CDH12: variants seen among roughly 807,000 people sequenced by gnomAD.
CDH12 encodes cadherin 12.
CDH12 carries 41 observed loss-of-function variants against 74.1 expected under a neutral mutation model. That is an observed-to-expected ratio of 0.55 (90% confidence interval 0.43 to 0.72). The LOEUF (loss-of-function observed/expected upper bound fraction) is 0.72. CDH12 is among the 30% of genes least tolerant of loss of function. The pLI, the probability that CDH12 is intolerant of heterozygous loss-of-function variation, is 0.00. For synonymous variants in CDH12, 399 were observed against 355.0 expected (o/e 1.12, Z -1.39); for missense variants, 945 against 977.2 (o/e 0.97, Z 0.44).
chr5:22,718,725 G>A (rs999004828), intron 1 of CDH12, among the ~76,000 whole-genome samples: 1 of 152,048 alleles, frequency 6.6e-6, no homozygotes, highest in Admixed American at 6.6e-5. Flanking sequence ...CAAACTAAAG[G>A]CCAGCGAGGC....
chr5:22,129,554 AG>A lies in CDH12; in HGVS notation c.-186-50693del, dbSNP rs548661353. Among the ~76,000 whole-genome samples the A allele has an allele frequency of 5.0e-3, 758 of 152,276 alleles. 5 individuals carry two copies. The highest frequency in any genetic ancestry group is 0.017 in the African/African-American group (698 of 41,554). ...TCTGTGGAAAACAAAATTGACAAAAAGTGCATGTTGAAATGGAAATTAACAG... is the reference window on the plus strand; with the variant it reads ...TCTGTGGAAAACAAAATTGACAAAAATGCATGTTGAAATGGAAATTAACAG... On this transcript the variant is annotated intron_variant, in intron 4 of 14. Coordinates refer to ENST00000382254, the MANE Select transcript of CDH12 (RefSeq NM_004061.5).
intron 3 of CDH12, among the ~76,000 whole-genome samples, chr5:22,242,333 AT>A (rs1362203791): frequency 6.6e-6 from 1 of 152,164 alleles, no homozygotes; most frequent in Non-Finnish European, 1.5e-5. Flanking sequence ...GCGTTTGTTA[AT>A]TTTAAAATGA....
chr5:21,752,554 T>C (rs1744158364), intron 14 of CDH12, among the ~76,000 whole-genome samples: 3 of 152,122 alleles, frequency 2.0e-5, no homozygotes, highest in African/African-American at 4.8e-5. Flanking sequence ...ATACAGAAAA[T>C]TGTAAGAATA....
intron 1 of CDH12, among the ~76,000 whole-genome samples, chr5:22,514,192 G>T (rs1024155813): frequency 6.6e-6 from 1 of 151,616 alleles, no homozygotes; most frequent in East Asian, 1.9e-4. Flanking sequence ...GCCTGAAGTC[G>T]GTCAATTGAC....
At chr5:22,762,768 T>A (rs1316120721) in intron 1 of CDH12, among the ~76,000 whole-genome samples, 1 of 152,098 alleles carries the variant, frequency 6.6e-6, no homozygotes, top group African/African-American at 2.4e-5. Context: ...TTAATTTTTC[T>A]GAGCAAACAT....
intron 1 of CDH12, among the ~76,000 whole-genome samples, chr5:22,832,604 G>T (rs574698485): frequency 2.0e-5 from 3 of 151,912 alleles, no homozygotes; most frequent in African/African-American, 7.3e-5. Flanking sequence ...AGATATATAA[G>T]GATAAAGAAG....
chr5:22,428,102 C>A (rs1324730267), intron 2 of CDH12, among the ~76,000 whole-genome samples: 1 of 151,908 alleles, frequency 6.6e-6, no homozygotes, highest in East Asian at 1.9e-4. Flanking sequence ...CCATGTATAA[C>A]AGCTTTCTTT....
At chr5:22,447,411 T>C (rs781601684) in intron 2 of CDH12, among the ~76,000 whole-genome samples, 32 of 152,064 alleles carry the variant, frequency 2.1e-4, no homozygotes, top group African/African-American at 7.2e-4. Context: ...TAGTTACAAA[T>C]AAAAATATTA....
At chr5:22,229,500 C>T (rs1207169182) in intron 3 of CDH12, among the ~76,000 whole-genome samples, 1 of 149,092 alleles carries the variant, frequency 6.7e-6, no homozygotes. Context: ...TGAAAAGGCA[C>T]AAAAGTAAAT....
At chr5:22,468,739 A>G (rs1450988572) in intron 2 of CDH12, among the ~76,000 whole-genome samples, 4 of 152,200 alleles carry the variant, frequency 2.6e-5, no homozygotes, top group Non-Finnish European at 5.9e-5. Flanking sequence ...AATAATTTAT[A>G]TAAGTAGATA....
intron 2 of CDH12, among the ~76,000 whole-genome samples, chr5:22,483,467 C>A (rs1188443576): frequency 1.3e-5 from 2 of 151,316 alleles, no homozygotes; most frequent in Admixed American, 6.6e-5. Context: ...AAATGCAAAT[C>A]GAAGAAAAGT....
chr5:22,412,680 G>A (rs187603216), intron 2 of CDH12, among the ~76,000 whole-genome samples: 1 of 151,946 alleles, frequency 6.6e-6, no homozygotes, highest in East Asian at 1.9e-4. Context: ...ATAAAAAGCT[G>A]CTTAATATTG....
chr5:22,841,547 A>T (rs1737082751), intron 1 of CDH12, among the ~76,000 whole-genome samples: 1 of 152,120 alleles, frequency 6.6e-6, no homozygotes, highest in African/African-American at 2.4e-5. Context: ...TTTTCAGCAT[A>T]TGGTGTTTAA....
At chr5:22,695,746 T>C (rs1742326341) in intron 1 of CDH12, among the ~76,000 whole-genome samples, 1 of 152,212 alleles carries the variant, frequency 6.6e-6, no homozygotes, top group Non-Finnish European at 1.5e-5. Context: ...GGCATTTGCA[T>C]AACATTTTTA....
chr5:21,986,481 G>A (rs989325251), intron 5 of CDH12, among the ~76,000 whole-genome samples: 1 of 152,120 alleles, frequency 6.6e-6, no homozygotes, highest in Admixed American at 6.6e-5. Context: ...GAGGTCACTG[G>A]CTTGGACCCA....
At chr5:22,281,521 A>G (rs1252686991) in intron 3 of CDH12, among the ~76,000 whole-genome samples, 1 of 151,994 alleles carries the variant, frequency 6.6e-6, no homozygotes, top group Non-Finnish European at 1.5e-5. Context: ...AGCAACTTCA[A>G]CAGTCTCAGG....
intron 4 of CDH12, among the ~76,000 whole-genome samples, chr5:22,153,129 G>A (rs7708962): frequency 0.045 from 6,763 of 151,530 alleles, 224 homozygotes; most frequent in African/African-American, 0.092. Context: ...TATATACCCA[G>A]AAGAGAAAGT....
intron 5 of CDH12, among the ~76,000 whole-genome samples, chr5:22,020,447 G>C (rs540193709): frequency 6.6e-6 from 1 of 151,872 alleles, no homozygotes; most frequent in Non-Finnish European, 1.5e-5. Flanking sequence ...TCTGCTACTC[G>C]GGGGGCTGAG....
intron 5 of CDH12, among the ~76,000 whole-genome samples, chr5:22,076,224 A>G (rs1247507901): frequency 1.3e-5 from 2 of 152,112 alleles, no homozygotes; most frequent in Non-Finnish European, 1.5e-5. Context: ...TTTTAATTAC[A>G]TTTATAAATA....
Sources: allele counts gnomAD v4.1 joint callset (sites outside exome capture counted in the v4.1 genomes callset), GRCh38; gene constraint gnomAD v4.1.1; transcripts MANE v1.5; gene names NCBI Gene and HGNC (gene_info 2026-07-23, HGNC 2026-07-21).